The following ZMYM2 variants were observed in gnomAD, a reference collection of about 807,000 sequenced individuals.
The protein encoded by ZMYM2 is zinc finger MYM-type protein 2.
A neutral mutation model predicts 162.8 loss-of-function variants in ZMYM2; 56 were observed. The observed-to-expected ratio is 0.34, with a 90% CI of 0.28 to 0.43. ZMYM2 has a LOEUF of 0.43. ZMYM2 is among the 20% of genes least tolerant of loss of function. The pLI is 1.00. For missense variants in ZMYM2, 1,275 were observed against 1,621.8 expected, an observed-to-expected ratio of 0.79 and a Z score of 3.67; for synonymous variants, 510 against 541.6, an observed-to-expected ratio of 0.94 and a Z score of 0.81.
At chr13:19,982,497 A>G (rs1426056040) in intron 2 of ZMYM2, among the ~76,000 whole-genome samples, 3 of 151,978 alleles carry the variant, frequency 2.0e-5, no homozygotes, top group African/African-American at 7.3e-5. Context: ...CATCTTGGCC[A>G]GGCTGGTCTC....
chr13:20,029,571 G>A (rs538405865), intron 9 of ZMYM2, among the ~76,000 whole-genome samples: 4 of 152,054 alleles, frequency 2.6e-5, no homozygotes, highest in Non-Finnish European at 5.9e-5. Flanking sequence ...CACAAACTTA[G>A]TGTTGTACAG....
the ZMYM2 span, among the ~76,000 whole-genome samples, chr13:19,939,215 G>T: frequency 6.6e-6 from 1 of 151,404 alleles, no homozygotes; most frequent in Non-Finnish European, 1.5e-5. Flanking sequence ...GTAGAGACAG[G>T]GTTTCACCAT....
chr13:19,877,989 C>G, the ZMYM2 span, among the ~76,000 whole-genome samples: 1 of 152,072 alleles, frequency 6.6e-6, no homozygotes, highest in African/African-American at 2.4e-5. Flanking sequence ...ATTTTACATT[C>G]CCACCAACAG....
At chr13:20,011,515 C>G (rs7323465) in intron 6 of ZMYM2, among the ~76,000 whole-genome samples, 146,546 of 151,968 alleles carry the variant, frequency 0.96, 70,898 homozygotes, top group East Asian at 1. Flanking sequence ...CCATTATGTA[C>G]GTTTTTGTTT....
chr13:20,014,762 G>GTTT (rs71070286), intron 6 of ZMYM2, among the ~76,000 whole-genome samples: 3,614 of 92,486 alleles, frequency 0.039, 72 homozygotes, highest in South Asian at 0.054. Flanking sequence ...TTTACTTTAG[G>GTTT]TTTTTTTTTT....
intron 12 of ZMYM2, among the ~76,000 whole-genome samples, chr13:20,042,705 T>G (rs900525168): frequency 1.3e-5 from 2 of 151,650 alleles, no homozygotes; most frequent in Non-Finnish European, 2.9e-5. Context: ...GTTGCTGACC[T>G]TTGCTTTTTA....
the ZMYM2 span, among the ~76,000 whole-genome samples, chr13:19,931,146 A>AAT: frequency 1.3e-5 from 2 of 149,258 alleles, no homozygotes; most frequent in Non-Finnish European, 3.0e-5. Flanking sequence ...CTCAAAAAAA[A>AAT]AAATAATAAT....
chr13:20,050,691 A>AAAAATCTGT (rs539610933), intron 12 of ZMYM2, among the ~76,000 whole-genome samples: 369 of 152,192 alleles, frequency 2.4e-3, no homozygotes, highest in African/African-American at 8.6e-3. Flanking sequence ...TCTAAAAAAG[A>AAAAATCTGT]AAAATCTGTC....
At chr13:19,987,339 C>T (rs975780421) in intron 2 of ZMYM2, among the ~76,000 whole-genome samples, 8 of 151,750 alleles carry the variant, frequency 5.3e-5, no homozygotes, top group African/African-American at 9.7e-5. Context: ...TCTCGGCTCA[C>T]GGCAGAATCC....
chr13:19,929,492 C>A, the ZMYM2 span, among the ~76,000 whole-genome samples: 1 of 152,164 alleles, frequency 6.6e-6, no homozygotes, highest in African/African-American at 2.4e-5. Context: ...CCCGCCTCGA[C>A]CTCCCAAAGT....
At chr13:19,884,576 A>G in the ZMYM2 span, among the ~76,000 whole-genome samples, 2 of 152,192 alleles carry the variant, frequency 1.3e-5, no homozygotes, top group Non-Finnish European at 2.9e-5. Flanking sequence ...CCTGTATCAA[A>G]AAGAAAAAAA....
At chr13:19,944,774 A>G in the ZMYM2 span, among the ~76,000 whole-genome samples, 1 of 152,036 alleles carries the variant, frequency 6.6e-6, no homozygotes, top group Non-Finnish European at 1.5e-5. Flanking sequence ...GAATCAAGCA[A>G]TTCTCCCTGC....
At chr13:20,057,539 A>G (rs1435087270) in intron 14 of ZMYM2, among the ~76,000 whole-genome samples, 1 of 152,126 alleles carries the variant, frequency 6.6e-6, no homozygotes, top group South Asian at 2.1e-4. Context: ...TGTTTACTCT[A>G]TGTGATTACT....
the ZMYM2 span, among the ~76,000 whole-genome samples, chr13:19,904,156 A>C: frequency 6.6e-6 from 1 of 151,624 alleles, no homozygotes; most frequent in South Asian, 2.1e-4. Flanking sequence ...GAATCATGGA[A>C]TTTATCTCAG....
chr13:19,980,738 G>A (rs556463450), intron 2 of ZMYM2, among the ~76,000 whole-genome samples: 23 of 126,756 alleles, frequency 1.8e-4, no homozygotes, highest in Admixed American at 1.2e-3. Flanking sequence ...GGGTGACAGA[G>A]CGAGACTCCA....
At position 20,067,285 on chromosome 13, in the gene ZMYM2, T is replaced by C. The variant is rs1215699091; in HGVS notation, c.3348T>C (p.Ala1116=). The C allele has an allele frequency of 6.9e-6, 11 of 1,592,492 alleles. No homozygotes were observed. The highest frequency in any genetic ancestry group is 1.7e-4 in the Middle Eastern group (1 of 6,052). ...LKEDLLSHTT[A]ELNYGLAHFV... is the part of the protein sequence containing the mutation. ...AGGATCTACTCTCTCACACCACAGCTGAGCTTAACTATGGGTTAGCTCATT... is the reference window on the plus strand; with the variant it reads ...AGGATCTACTCTCTCACACCACAGCCGAGCTTAACTATGGGTTAGCTCATT... The change falls in exon 21 of 25, where the codon GCT becomes GCC. Residue 1116 remains alanine, a synonymous_variant. Coordinates refer to ENST00000610343, the MANE Select transcript of ZMYM2 (RefSeq NM_197968.4).
chr13:19,898,270 T>C, the ZMYM2 span, among the ~76,000 whole-genome samples: 1 of 151,694 alleles, frequency 6.6e-6, no homozygotes, highest in South Asian at 2.1e-4. Context: ...TCTCACTGTG[T>C]CGCCCAGGCT....
the ZMYM2 span, among the ~76,000 whole-genome samples, chr13:19,934,105 T>C: frequency 6.6e-6 from 1 of 152,334 alleles, no homozygotes; most frequent in East Asian, 1.9e-4. Flanking sequence ...TTAAATGTCA[T>C]ACATTTTACT....
At chr13:19,886,876 G>A in the ZMYM2 span, among the ~76,000 whole-genome samples, 1 of 150,928 alleles carries the variant, frequency 6.6e-6, no homozygotes, top group African/African-American at 2.5e-5. Context: ...GACCATGGCT[G>A]GTCTCGGACT....
Sources: gnomAD v4.1 joint callset for allele counts (sites outside exome capture counted in the v4.1 genomes callset) on GRCh38, gnomAD v4.1.1 for gene constraint, MANE v1.5 for transcripts, NCBI Gene and HGNC (gene_info 2026-07-23, HGNC 2026-07-21) for gene names.